ASTN1: variants seen among roughly 807,000 people sequenced by gnomAD.
The protein encoded by ASTN1 is astrotactin-1.
ASTN1 carries 41 observed loss-of-function variants against 140.7 expected under a neutral mutation model. The ratio of observed to expected loss-of-function variants is 0.29; its 90% confidence interval spans 0.23 to 0.38. ASTN1 has a LOEUF of 0.38. Ranked by LOEUF, ASTN1 falls within the 10% of genes least tolerant of loss-of-function variation. ASTN1 has a pLI of 1.00. For missense variants in ASTN1, 1,479 were observed against 1,678.8 expected, an observed-to-expected ratio of 0.88 and a Z score of 2.08; for synonymous variants, 640 against 652.2, an observed-to-expected ratio of 0.98 and a Z score of 0.29.
chr1:176,904,610 C>T (rs1669907743), intron 16 of ASTN1, among the ~76,000 whole-genome samples: 1 of 152,178 alleles, frequency 6.6e-6, no homozygotes, highest in Non-Finnish European at 1.5e-5. Flanking sequence ...AAAGAGCCTC[C>T]CGTGCACTTG....
chr1:176,942,866 A>ATATATATATATTGATT (rs1385017638), intron 14 of ASTN1, among the ~76,000 whole-genome samples: 2 of 70,004 alleles, frequency 2.9e-5, no homozygotes, highest in Non-Finnish European at 2.8e-5. Context: ...ATATATATAT[A>ATATATATATATTGATT]GATTGATGTC....
chr1:177,122,237 C>A (rs1250944696), intron 1 of ASTN1, among the ~76,000 whole-genome samples: 1 of 152,042 alleles, frequency 6.6e-6, no homozygotes, highest in Non-Finnish European at 1.5e-5. Flanking sequence ...ATGTGGAAGG[C>A]GGGAGACTCA....
At chr1:176,996,949 G>T (rs1674484569) in intron 8 of ASTN1, among the ~76,000 whole-genome samples, 1 of 152,160 alleles carries the variant, frequency 6.6e-6, no homozygotes. Flanking sequence ...TGCAGACAGA[G>T]AAAACGAGAA....
chr1:176,866,343 G>A (rs1262467025), intron 22 of ASTN1, among the ~76,000 whole-genome samples: 1 of 152,134 alleles, frequency 6.6e-6, no homozygotes, highest in Non-Finnish European at 1.5e-5. Context: ...CAAACACTCT[G>A]CCTGCTGACT....
At chr1:177,085,970 A>C (rs1679445706) in intron 1 of ASTN1, among the ~76,000 whole-genome samples, 1 of 152,148 alleles carries the variant, frequency 6.6e-6, no homozygotes, top group Non-Finnish European at 1.5e-5. Context: ...TTAGAAATTA[A>C]GTTGTTGAAC....
chr1:177,014,893 G>A lies in ASTN1; in HGVS notation c.1439-18C>T, dbSNP rs368344349. ...GCATTCCCCTTAGAAGCAGGGTAAG[G>A]AGGAAGAAAGAGAAACATGAAGGAA... On this transcript the variant is annotated intron_variant, in intron 7 of 22. Coordinates refer to ENST00000361833, the MANE Select transcript of ASTN1 (RefSeq NM_004319.3). 6.3e-7 allele frequency: 1 copy of A among 1,587,122 alleles called. No individual in the cohort carries two copies. Among genetic ancestry groups the A allele is most frequent in the Non-Finnish European group, 8.6e-7 (1 of 1,157,780 alleles).
intron 1 of ASTN1, among the ~76,000 whole-genome samples, chr1:177,125,008 T>G (rs1415584796): frequency 6.6e-6 from 1 of 152,346 alleles, no homozygotes; most frequent in East Asian, 1.9e-4. Context: ...TGGCAGAAGA[T>G]AGCAGTGCTG....
intron 2 of ASTN1, among the ~76,000 whole-genome samples, chr1:177,037,250 A>G (rs576107593): frequency 3.9e-5 from 6 of 152,346 alleles, no homozygotes; most frequent in African/African-American, 1.4e-4. Flanking sequence ...GAATGGAAAG[A>G]AACCCTAGGC....
chr1:177,056,239 T>A (rs1369530051), intron 2 of ASTN1, among the ~76,000 whole-genome samples: 1 of 152,194 alleles, frequency 6.6e-6, no homozygotes, highest in Non-Finnish European at 1.5e-5. Context: ...TTTCCCACAG[T>A]GCCCATTTTA....
At chr1:176,888,939 A>C (rs1669152349) in intron 17 of ASTN1, among the ~76,000 whole-genome samples, 1 of 152,234 alleles carries the variant, frequency 6.6e-6, no homozygotes, top group Non-Finnish European at 1.5e-5. Context: ...ATTAAATCTA[A>C]TAATATGTGC....
intron 9 of ASTN1, among the ~76,000 whole-genome samples, chr1:176,961,472 C>T (rs534944669): frequency 3.9e-5 from 6 of 152,270 alleles, no homozygotes; most frequent in South Asian, 4.1e-4. Context: ...TGCTCTGTAG[C>T]GTGGCCTCAT....
chr1:176,889,905 T>A (rs1045802176), intron 17 of ASTN1, among the ~76,000 whole-genome samples: 12 of 152,312 alleles, frequency 7.9e-5, no homozygotes, highest in African/African-American at 2.9e-4. Flanking sequence ...GGTGCATAAG[T>A]GCCCACTTTA....
intron 8 of ASTN1, among the ~76,000 whole-genome samples, chr1:176,991,169 A>C (rs531657204): frequency 1.3e-5 from 2 of 152,152 alleles, no homozygotes; most frequent in Admixed American, 6.5e-5. Context: ...GCACTGTGGG[A>C]GGCTGAGGCA....
intron 2 of ASTN1, among the ~76,000 whole-genome samples, chr1:177,056,084 T>G (rs546620074): frequency 6.6e-6 from 1 of 152,262 alleles, no homozygotes; most frequent in South Asian, 2.1e-4. Context: ...TGGACTGAAC[T>G]TGAATGTAAC....
rs146741530 is a variant in ASTN1 at position 176,915,973 on chromosome 1, C to T, written c.2671+18179G>A. 1.3e-3 allele frequency among the ~76,000 whole-genome samples: 194 copies of T among 152,274 alleles called. 1 individual carries two copies. In the East Asian group the frequency reaches 0.023, roughly 18 times the overall value. ...GAGGTATTAGAATGTTTTACAAACC[C>T]GAAACTTGCCCATTCTCAGTCTTTC... On this transcript the variant is annotated intron_variant, in intron 16 of 22. Transcript: ENST00000361833.
chr1:176,878,821 G>A (rs769645085), intron 20 of ASTN1, among the ~76,000 whole-genome samples: 44 of 152,084 alleles, frequency 2.9e-4, no homozygotes, highest in Non-Finnish European at 5.0e-4. Flanking sequence ...CCTCATACCC[G>A]TGTTTCCTCC....
At chr1:176,968,834 A>G (rs1378842279) in intron 8 of ASTN1, among the ~76,000 whole-genome samples, 1 of 152,114 alleles carries the variant, frequency 6.6e-6, no homozygotes, top group Non-Finnish European at 1.5e-5. Flanking sequence ...AACCACTGAG[A>G]ATGTTAAAAG....
chr1:177,014,825 G>T lies in ASTN1; in HGVS notation c.1489C>A (p.Leu497Ile). 1 of 1,613,860 alleles carries T rather than the reference G, an allele frequency of 6.2e-7. No homozygotes were observed. The highest frequency in any genetic ancestry group is 8.5e-7 in the Non-Finnish European group (1 of 1,179,834). The change falls in exon 8 of 23, where the codon CTT (leucine) becomes ATT (isoleucine). Residue 497 changes from leucine to isoleucine, a missense_variant. Around this residue, in one of 3 missense-constraint regions of ASTN1, gnomAD observed 729 missense variants for 860.4 expected, o/e 0.85. Coordinates refer to ENST00000361833, the MANE Select transcript of ASTN1 (RefSeq NM_004319.3). ...GTCCCCCATTCGTTCCGAATGCAAA[G>T]GTGCTTATGTACTGGATCCTTCATG... Reference protein sequence around the residue: ...GYMKDPVHKHLCIRNEWGTNQ... With the variant: ...GYMKDPVHKHICIRNEWGTNQ...
chr1:177,161,374 C>T (rs1474494079), intron 1 of ASTN1, among the ~76,000 whole-genome samples: 1 of 152,212 alleles, frequency 6.6e-6, no homozygotes, highest in Non-Finnish European at 1.5e-5. Context: ...TTCTCCATGA[C>T]CTTAAATGTC....
Sources: allele counts gnomAD v4.1 joint callset (sites outside exome capture counted in the v4.1 genomes callset), GRCh38; gene constraint gnomAD v4.1.1; regional missense constraint gnomAD v4.1.1; transcripts MANE v1.5; gene names NCBI Gene and HGNC (gene_info 2026-07-23, HGNC 2026-07-21).